POT1: variants seen among roughly 807,000 people sequenced by gnomAD.
POT1 encodes the protein protection of telomeres protein 1.
POT1 carries 47 observed loss-of-function variants against 78.5 expected under a neutral mutation model. The ratio of observed to expected loss-of-function variants is 0.60; its 90% CI spans 0.47 to 0.76. The LOEUF (loss-of-function observed/expected upper bound fraction) is 0.76. Among genes scored for constraint, POT1 ranks in the 30% least tolerant of loss-of-function variants. The probability of loss-of-function intolerance (pLI) is 0.00; values close to 1 mark genes in which losing one functional copy is unlikely to be tolerated. For missense variants in POT1, 646 were observed against 749.9 expected (o/e 0.86, Z 1.62); for synonymous variants, 259 against 260.7 (o/e 0.99, Z 0.06).
chr7:124,887,051 A>G (rs887634020), intron 6 of POT1, among the ~76,000 whole-genome samples: 4 of 152,126 alleles, frequency 2.6e-5, no homozygotes, highest in African/African-American at 7.2e-5. Flanking sequence ...TCAAATTCGA[A>G]GAGGATCATA....
rs1472494741 is a variant in POT1, at chr7:124,889,641, T to G, written c.124+2625A>C. ...TCTTGTGAGAGTCTAATGCAGTTGA[T>G]GACTTTCAGTTGAAGCCAATACTCA... is the stretch of plus-strand genomic sequence containing the variant. On this transcript the variant is annotated intron_variant, in intron 6 of 18. Coordinates refer to ENST00000357628, the MANE Select transcript of POT1 (RefSeq NM_015450.3). Among the ~76,000 whole-genome samples, 12 of 152,006 alleles carry G rather than the reference T, an allele frequency of 7.9e-5. No individual in the cohort carries two copies. In the South Asian group the frequency reaches 2.5e-3, roughly 31 times the overall value.
intron 6 of POT1, among the ~76,000 whole-genome samples, chr7:124,891,923 A>C (rs1262232240): frequency 6.6e-6 from 1 of 151,630 alleles, no homozygotes; most frequent in African/African-American, 2.4e-5. Flanking sequence ...TCTATAACAG[A>C]ATTAAACGTG....
intron 6 of POT1, among the ~76,000 whole-genome samples, chr7:124,890,793 CAA>C (rs747363432): frequency 5.3e-5 from 8 of 151,824 alleles, no homozygotes; most frequent in African/African-American, 9.7e-5. Context: ...CTTAATTGCT[CAA>C]GAGTGTATTG....
intron 12 of POT1, among the ~76,000 whole-genome samples, chr7:124,846,469 A>G (rs1584761104): frequency 6.6e-6 from 1 of 152,192 alleles, no homozygotes; most frequent in Non-Finnish European, 1.5e-5. Flanking sequence ...TAGCAGAAGG[A>G]GGGTACTTGA....
At position 124,859,596 on chromosome 7, in the gene POT1, G is replaced by A. The variant is rs1054795164; in HGVS notation, c.547-484C>T. Among the ~76,000 whole-genome samples the A allele has an allele frequency of 1.8e-4, 27 of 151,810 alleles. 1 individual carries two copies. The highest frequency in any genetic ancestry group is 4.6e-4 in the African/African-American group (19 of 41,440). On this transcript the variant is annotated intron_variant, in intron 8 of 18. Transcript: ENST00000357628. ...ACAAAGAAGTAAATGTTGTAAATTT[G>A]AATAATTTCCTTTATATGATGATTT...
chr7:124,866,921 T>G (rs1003207663), intron 7 of POT1, among the ~76,000 whole-genome samples: 3 of 152,238 alleles, frequency 2.0e-5, no homozygotes, highest in African/African-American at 7.2e-5. Flanking sequence ...ACCTAACTTT[T>G]AAATGGGTTC....
chr7:124,860,774 C>T (rs1024883578), intron 8 of POT1, among the ~76,000 whole-genome samples: 9 of 151,890 alleles, frequency 5.9e-5, no homozygotes, highest in African/African-American at 1.9e-4. Context: ...TACCCCACAA[C>T]AGGCCCCATT....
At chr7:124,883,335 A>T (rs1204376610) in intron 6 of POT1, among the ~76,000 whole-genome samples, 1 of 152,138 alleles carries the variant, frequency 6.6e-6, no homozygotes, top group Non-Finnish European at 1.5e-5. Flanking sequence ...AAGACTAAAA[A>T]AAAGTTTATG....
chr7:124,902,267 A>G (rs1054440427), intron 3 of POT1, among the ~76,000 whole-genome samples: 3 of 152,240 alleles, frequency 2.0e-5, no homozygotes, highest in African/African-American at 7.2e-5. Flanking sequence ...TGTTAAGAGC[A>G]GCCAGAGAAA....
intron 3 of POT1, among the ~76,000 whole-genome samples, chr7:124,912,054 C>G (rs1417208177): frequency 6.6e-6 from 1 of 152,114 alleles, no homozygotes; most frequent in African/African-American, 2.4e-5. Context: ...CTACTGGGCT[C>G]AGGGTTCAGA....
At chr7:124,845,920 C>T (rs181660616) in intron 12 of POT1, among the ~76,000 whole-genome samples, 1 of 152,226 alleles carries the variant, frequency 6.6e-6, no homozygotes, top group African/African-American at 2.4e-5. Flanking sequence ...TGACGAGTTT[C>T]ATCATTAACT....
chr7:124,925,392 A>G (rs1797249188), intron 2 of POT1, among the ~76,000 whole-genome samples: 1 of 152,114 alleles, frequency 6.6e-6, no homozygotes, highest in African/African-American at 2.4e-5. Context: ...GCCTAGGAAT[A>G]TATTTAACTA....
intron 9 of POT1, among the ~76,000 whole-genome samples, chr7:124,856,363 A>C (rs1795446736): frequency 6.6e-6 from 1 of 152,232 alleles, no homozygotes; most frequent in Admixed American, 6.5e-5. Flanking sequence ...TATTACTTAC[A>C]CAGAGAAAAA....
In POT1 at chr7:124,842,866, T is replaced by C. The variant is rs1381478448; in HGVS notation, c.1104A>G (p.Ser368=). ...QQYRIRAKLR[S]YKPRRLFQSV... is the part of the protein sequence containing the mutation. ...ACTGAAATAGTCTTCTGGGCTTATA[T>C]GACCTCAATTTTGCTCGGATGCGGT... The change falls in exon 13 of 19, where the codon TCA becomes TCG. Residue 368 remains serine, a synonymous_variant. Coordinates refer to ENST00000357628, the MANE Select transcript of POT1 (RefSeq NM_015450.3). 5.6e-6 allele frequency: 9 copies of C among 1,611,112 alleles called. No individual in the cohort carries two copies. Among genetic ancestry groups the C allele is most frequent in the South Asian group, 5.5e-5 (5 of 90,290 alleles).
chr7:124,920,469 A>T (rs1399786679), intron 2 of POT1, among the ~76,000 whole-genome samples: 1 of 152,162 alleles, frequency 6.6e-6, no homozygotes, highest in Non-Finnish European at 1.5e-5. Context: ...GAACGAATTG[A>T]TTGTGATTGT....
chr7:124,877,466 G>A (rs1796015742), intron 6 of POT1, among the ~76,000 whole-genome samples: 1 of 152,006 alleles, frequency 6.6e-6, no homozygotes, highest in Non-Finnish European at 1.5e-5. Flanking sequence ...GATAGATAGA[G>A]AGCAGGCCTA....
chr7:124,826,812 T>C (rs955670753), intron 17 of POT1, among the ~76,000 whole-genome samples: 4 of 152,284 alleles, frequency 2.6e-5, no homozygotes, highest in Admixed American at 2.6e-4. Flanking sequence ...GAGGTTGCAG[T>C]GAGCTGAGAT....
At chr7:124,922,777 T>C (rs1362339165) in intron 2 of POT1, among the ~76,000 whole-genome samples, 1 of 151,854 alleles carries the variant, frequency 6.6e-6, no homozygotes, top group Non-Finnish European at 1.5e-5. Flanking sequence ...AACAAAACCA[T>C]ATCAATAATT....
intron 15 of POT1, among the ~76,000 whole-genome samples, chr7:124,829,938 T>C (rs1182605672): frequency 6.6e-6 from 1 of 152,144 alleles, no homozygotes; most frequent in East Asian, 1.9e-4. Context: ...GCTCAAGCCA[T>C]CTGCCTGCCT....
Sources: gnomAD v4.1 joint callset for allele counts (sites outside exome capture counted in the v4.1 genomes callset) on GRCh38, gnomAD v4.1.1 for gene constraint, MANE v1.5 for transcripts, NCBI Gene and HGNC (gene_info 2026-07-23, HGNC 2026-07-21) for gene names.